Variants in SPG11 observed in about 807,000 individuals in gnomAD.
The protein encoded by SPG11 is SPG11 vesicle trafficking associated, spatacsin.
A neutral mutation model predicts 274.0 loss-of-function variants in SPG11; 222 were observed. That is an observed-to-expected ratio of 0.81 (90% CI 0.73 to 0.91). SPG11 has a LOEUF of 0.91. Among genes scored for constraint, SPG11 ranks in the 40% least tolerant of loss-of-function variants. The pLI is 0.00. For missense variants in SPG11, 3,114 were observed against 2,872.7 expected (o/e 1.08, Z -1.92); for synonymous variants, 1,144 against 1,039.7 (o/e 1.10, Z -1.93).
Position 44,621,882 on chromosome 15 carries a change from A to G in SPG11, c.2497T>C (p.Phe833Leu), listed in dbSNP as rs773971138. The G allele has an allele frequency of 6.2e-7, 1 of 1,613,990 alleles. No individual in the cohort carries two copies. The highest frequency in any genetic ancestry group is 8.5e-7 in the Non-Finnish European group (1 of 1,179,924). ...TCATCTTTACAATCATATTTCAGGA[A>G]TGAGTCCAAAACAGACTTGTGCTTG... is the stretch of plus-strand genomic sequence containing the variant. ...FFKHKSVLDSFLKYDCKDEFN... is the reference protein window; with the variant it reads ...FFKHKSVLDSLLKYDCKDEFN... The change falls in exon 14 of 40, where the codon TTC (phenylalanine) becomes CTC (leucine). Residue 833 changes from phenylalanine to leucine, a missense_variant. Transcript: ENST00000261866.
intron 8 of SPG11, among the ~76,000 whole-genome samples, chr15:44,632,438 C>T (rs1184130164): frequency 6.6e-6 from 1 of 151,886 alleles, no homozygotes; most frequent in Non-Finnish European, 1.5e-5. Flanking sequence ...AAAAGTTAGG[C>T]TTCCTATTTA....
chr15:44,663,326 G>A, intron 1 of SPG11, 65 bp downstream of exon 1: 1 of 1,563,434 alleles, frequency 6.4e-7, no homozygotes, highest in Non-Finnish European at 8.7e-7. Flanking sequence ...TGAGCCCTTG[G>A]GGCTCAGTCA....
intron 30 of SPG11, among the ~76,000 whole-genome samples, chr15:44,576,210 G>A (rs1048930240): frequency 2.0e-5 from 3 of 146,386 alleles, no homozygotes; most frequent in Non-Finnish European, 4.5e-5. Flanking sequence ...TTGATAAAGG[G>A]TTTCTATTAG....
intron 28 of SPG11, chr15:44,588,748 A>G (rs549631193): frequency 8.8e-6 from 3 of 341,288 alleles, no homozygotes; most frequent in South Asian, 6.9e-5. Flanking sequence ...CCGCGGGTAC[A>G]TAATTGCTCT....
Position 44,651,663 on chromosome 15 carries a change from T to C in SPG11, c.1284A>G (p.Lys428=), listed in dbSNP as rs780049611. 1 of 1,614,222 alleles carries C rather than the reference T, an allele frequency of 6.2e-7. No homozygotes were observed. The highest frequency in any genetic ancestry group is 8.5e-7 in the Non-Finnish European group (1 of 1,180,024). Residue 428 remains lysine, a synonymous_variant, in exon 6 of 40, where the codon AAA becomes AAG. Coordinates refer to ENST00000261866, the MANE Select transcript of SPG11 (RefSeq NM_025137.4). ...ISEQEEPIEL[K]CVSVTGFTAL... The stretch of plus-strand genomic sequence containing the variant: ...CAGTGAATCCTGTCACAGACACACA[T>C]TTAAGCTCTATGGGTTCCTCTTGTT...
At chr15:44,661,637 G>A (rs2085110846) in intron 1 of SPG11, among the ~76,000 whole-genome samples, 1 of 151,804 alleles carries the variant, frequency 6.6e-6, no homozygotes, top group Non-Finnish European at 1.5e-5. Context: ...ACATTTTTCT[G>A]ACTGTTCATA....
Position 44,606,011 on chromosome 15 carries a change from C to A in SPG11, c.3520+14G>T, listed in dbSNP as rs1198359789. The A allele has an allele frequency of 1.2e-6, 2 of 1,609,640 alleles. No homozygotes were observed. The highest frequency in any genetic ancestry group is 2.2e-5 in the East Asian group (1 of 44,782). On this transcript the variant is annotated intron_variant, in intron 20 of 39. Coordinates refer to ENST00000261866, the MANE Select transcript of SPG11 (RefSeq NM_025137.4). ...TGCTAAAACATGTCTCAAGAAGTAC[C>A]CATGATGACTTACCTCCTATAGCTA...
In SPG11 at chr15:44,620,245, G is replaced by C. The variant is rs1322713363; in HGVS notation, c.2779C>G (p.Gln927Glu). Residue 927 changes from glutamine (Q) to glutamate (E), a missense_variant, in exon 15 of 40, where the codon CAG becomes GAG. Physicochemically the swap from Gln to Glu is conservative, Grantham distance 29. Coordinates refer to ENST00000261866, the MANE Select transcript of SPG11 (RefSeq NM_025137.4). ...WPLLTVDVINQNTSCNNYMRN... is the reference protein window; with the variant it reads ...WPLLTVDVINENTSCNNYMRN... ...ATGTAGTTGTTACAGGAAGTATTCT[G>C]GTTAATAACATCAACAGTCAGAAGG... 5 of 1,613,780 alleles carry C rather than the reference G, an allele frequency of 3.1e-6. No homozygotes were observed. In the Admixed American group the frequency reaches 6.7e-5, roughly 22 times the overall value.
chr15:44,639,188 C>A (rs950952137), intron 7 of SPG11, among the ~76,000 whole-genome samples: 6 of 151,740 alleles, frequency 4.0e-5, no homozygotes, highest in African/African-American at 1.5e-4. Flanking sequence ...ATCCAATACC[C>A]ATTCATGATA....
intron 4 of SPG11, among the ~76,000 whole-genome samples, chr15:44,654,077 C>G (rs964610801): frequency 2.1e-4 from 32 of 152,210 alleles, no homozygotes; most frequent in African/African-American, 7.7e-4. Flanking sequence ...CCTCAGCCTC[C>G]GGAGTAGCTG....
Position 44,660,608 on chromosome 15 carries a change from C to G in SPG11, c.266G>C (p.Trp89Ser), listed in dbSNP as rs1566835327. Residue 89 changes from tryptophan to serine, a missense_variant, in exon 2 of 40, where the codon TGG becomes TCG. Trp to Ser is a radical substitution (Grantham distance 177). Coordinates refer to ENST00000261866, the MANE Select transcript of SPG11 (RefSeq NM_025137.4). ...TGTGCTGCTGTTACGAGAATCCTCC[C>G]ATAGAAAGCTAAGAAAAAAAGTTTA... ...CLEGPFWHFL[W>S]EDSRNSSTPT... 1 of 1,613,978 alleles carries G rather than the reference C, an allele frequency of 6.2e-7. No homozygotes were observed. Among genetic ancestry groups the G allele is most frequent in the South Asian group, 1.1e-5 (1 of 91,072 alleles).
intron 18 of SPG11, among the ~76,000 whole-genome samples, chr15:44,609,735 CTTT>C (rs752969781): frequency 2.8e-5 from 4 of 140,836 alleles, no homozygotes; most frequent in Admixed American, 7.2e-5. Context: ...CCCCGCCCAG[CTTT>C]TTTTTTTTTT....
chr15:44,657,419 G>A, intron 3 of SPG11, 123 bp from the exon 4 acceptor site: 1 of 833,710 alleles, frequency 1.2e-6, no homozygotes, highest in South Asian at 1.6e-5. Flanking sequence ...GAAGAAGACT[G>A]AAAACTGAGG....
chr15:44,575,115 C>T lies in SPG11; in HGVS notation c.5867-74G>A, dbSNP rs2082507133. On this transcript the variant is annotated intron_variant, in intron 30 of 39. Transcript: ENST00000261866. ...CTCTCCCTAGCTCTCTATGGCTCTA[C>T]CTCTCTGCTTGAAGCTCCCTGCACT... The T allele has an allele frequency of 1.6e-5, 25 of 1,585,046 alleles. No individual in the cohort carries two copies. In the Admixed American group the frequency reaches 3.9e-4, roughly 25 times the overall value.
At chr15:44,580,408 A>T (rs759720868) in intron 30 of SPG11, among the ~76,000 whole-genome samples, 1 of 152,250 alleles carries the variant, frequency 6.6e-6, no homozygotes, top group Non-Finnish European at 1.5e-5. Flanking sequence ...GCTGTAACTG[A>T]AATTTTAAAA....
At chr15:44,617,359 A>C (rs1264754616) in intron 15 of SPG11, among the ~76,000 whole-genome samples, 1 of 152,218 alleles carries the variant, frequency 6.6e-6, no homozygotes, top group African/African-American at 2.4e-5. Context: ...TTTGACATTT[A>C]GGTGTTAACA....
At chr15:44,566,791 C>G (rs914658783) in intron 36 of SPG11, among the ~76,000 whole-genome samples, 2 of 152,118 alleles carry the variant, frequency 1.3e-5, no homozygotes, top group African/African-American at 4.8e-5. Context: ...CCTCCGCCTC[C>G]CGGGTTCAAG....
At chr15:44,578,250 G>C (rs139995980) in intron 30 of SPG11, among the ~76,000 whole-genome samples, 2,870 of 149,112 alleles carry the variant, frequency 0.019, 107 homozygotes, top group African/African-American at 0.067. Flanking sequence ...TAGCCAGGAT[G>C]GTCTTGATCT....
rs775454360 is a variant in SPG11, at chr15:44,563,313, A to G, written c.7152-12T>C. Reference sequence around the variant, plus strand: ...GATGTTGTTTATATCTAGATAAAGAAACATAATGTACAGGTTAAGATACTG... The same window carrying G: ...GATGTTGTTTATATCTAGATAAAGAGACATAATGTACAGGTTAAGATACTG... On this transcript the variant is annotated splice_polypyrimidine_tract_variant and intron_variant, in intron 39 of 39. Coordinates refer to ENST00000261866, the MANE Select transcript of SPG11 (RefSeq NM_025137.4). 6.2e-7 allele frequency: 1 copy of G among 1,608,722 alleles called. No individual in the cohort carries two copies.
Sources: gnomAD v4.1 joint callset for allele counts (sites outside exome capture counted in the v4.1 genomes callset) on GRCh38, gnomAD v4.1.1 for gene constraint, MANE v1.5 for transcripts, NCBI Gene and HGNC (gene_info 2026-07-23, HGNC 2026-07-21) for gene names.